DLG2: variants seen among roughly 807,000 people sequenced by gnomAD.
DLG2 encodes disks large homolog 2.
In DLG2, 45 loss-of-function variants were observed where a neutral mutation model predicts 132.5. The observed-to-expected ratio is 0.34, with a 90% confidence interval of 0.27 to 0.44. The LOEUF is 0.44. Among genes scored for constraint, DLG2 ranks in the 20% least tolerant of loss-of-function variants. The pLI is 1.00. For missense variants in DLG2, 1,045 were observed against 1,196.9 expected, an observed-to-expected ratio of 0.87 and a Z score of 1.87; for synonymous variants, 424 against 419.6, an observed-to-expected ratio of 1.01 and a Z score of -0.13.
At chr11:84,754,536 T>C (rs576857881) in intron 6 of DLG2, among the ~76,000 whole-genome samples, 2 of 152,254 alleles carry the variant, frequency 1.3e-5, no homozygotes, top group East Asian at 1.9e-4. Flanking sequence ...ATATATTTTA[T>C]AGGGAAGTTA....
chr11:83,600,285 G>T (rs1318164916), intron 19 of DLG2, among the ~76,000 whole-genome samples: 1 of 145,328 alleles, frequency 6.9e-6, no homozygotes, highest in Non-Finnish European at 1.5e-5. Context: ...TTCAATTCCA[G>T]GTCTGTGTGA....
At chr11:83,881,159 T>A (rs1055303372) in intron 15 of DLG2, among the ~76,000 whole-genome samples, 1 of 152,174 alleles carries the variant, frequency 6.6e-6, no homozygotes, top group African/African-American at 2.4e-5. Context: ...AAGAGTGCCA[T>A]GAGATGCTGA....
intron 6 of DLG2, among the ~76,000 whole-genome samples, chr11:85,083,172 G>A (rs1431444521): frequency 6.6e-6 from 1 of 151,970 alleles, no homozygotes; most frequent in Non-Finnish European, 1.5e-5. Flanking sequence ...TTGTTGGGAG[G>A]GAGTAAAACT....
At chr11:83,680,032 G>A (rs1028829618) in intron 18 of DLG2, among the ~76,000 whole-genome samples, 1 of 152,262 alleles carries the variant, frequency 6.6e-6, no homozygotes, top group African/African-American at 2.4e-5. Flanking sequence ...ACATGGTTTT[G>A]TGTGTATGTG....
intron 3 of DLG2, among the ~76,000 whole-genome samples, chr11:85,412,760 C>CACACACACACACACACATATATAT (rs756868795): frequency 8.8e-6 from 1 of 113,276 alleles, no homozygotes; most frequent in Non-Finnish European, 1.8e-5. Flanking sequence ...CACACACACA[C>CACACACACACACACACATATATAT]ATATATATAT....
rs796135381 is a variant in DLG2, at chr11:84,686,639, T to G, written c.358-151908A>C. On this transcript the variant is annotated intron_variant, in intron 6 of 27. Transcript: ENST00000376104. ...TTCAACTGGCCTTGAGGTTTTTTTT[T>G]TTTTTTTTTTTTTATGCTATACACC... is the stretch of plus-strand genomic sequence containing the variant. 9.1e-4 allele frequency among the ~76,000 whole-genome samples: 137 copies of G among 150,280 alleles called. 1 individual carries two copies. The highest frequency in any genetic ancestry group is 3.2e-3 in the African/African-American group (130 of 41,096).
intron 19 of DLG2, among the ~76,000 whole-genome samples, chr11:83,543,023 C>T (rs556709637): frequency 6.6e-6 from 1 of 151,968 alleles, no homozygotes; most frequent in South Asian, 2.1e-4. Flanking sequence ...TTTTTTTGCC[C>T]ATCAAAGAAA....
intron 7 of DLG2, among the ~76,000 whole-genome samples, chr11:84,438,273 C>T (rs2099006947): frequency 6.6e-6 from 1 of 152,082 alleles, no homozygotes; most frequent in African/African-American, 2.4e-5. Context: ...GGCCTGGGAC[C>T]AAGGGCAAAG....
rs150923826 is a variant in DLG2 at position 84,229,070 on chromosome 11, A to G, written c.573+22168T>C. ...TATAGATGCTGGGAATTATAATTAT[A>G]TCCTGGTAAGCACTCAAATAACTGA... On this transcript the variant is annotated intron_variant, in intron 8 of 27. Transcript: ENST00000376104. Among the ~76,000 whole-genome samples, 65 of 152,302 alleles carry G rather than the reference A, an allele frequency of 4.3e-4. 1 individual carries two copies. Among genetic ancestry groups the G allele is most frequent in the African/African-American group, 1.4e-3 (57 of 41,562 alleles).
At chr11:85,508,922 T>C (rs978131105) in intron 3 of DLG2, among the ~76,000 whole-genome samples, 1 of 152,082 alleles carries the variant, frequency 6.6e-6, no homozygotes, top group Admixed American at 6.6e-5. Flanking sequence ...CATATACATA[T>C]ATTGACTATG....
rs187716136 is a variant in DLG2 at position 84,446,793 on chromosome 11, G to A, written c.519+87777C>T. On this transcript the variant is annotated intron_variant, in intron 7 of 27. Transcript: ENST00000376104. ...TTTCCCTTCCTTTGGTGATCCTAAC[G>A]TCAAGTGTCCTGCCCTGAATGTCCA... 1.6e-3 allele frequency among the ~76,000 whole-genome samples: 241 copies of A among 151,872 alleles called. 1 individual carries two copies. The highest frequency in any genetic ancestry group is 5.6e-3 in the African/African-American group (233 of 41,414).
intron 6 of DLG2, among the ~76,000 whole-genome samples, chr11:85,073,692 T>G (rs1014003211): frequency 3.3e-5 from 5 of 151,832 alleles, no homozygotes; most frequent in Admixed American, 2.6e-4. Flanking sequence ...ATATTCTTTC[T>G]AAGGTTTCAA....
chr11:84,032,756 T>C (rs566000283), intron 11 of DLG2, among the ~76,000 whole-genome samples: 1 of 152,320 alleles, frequency 6.6e-6, no homozygotes, highest in South Asian at 2.1e-4. Flanking sequence ...GCTCCAAGCC[T>C]TCAAAGAACA....
At chr11:84,495,111 T>A (rs1240215963) in intron 7 of DLG2, among the ~76,000 whole-genome samples, 1 of 152,098 alleles carries the variant, frequency 6.6e-6, no homozygotes, top group Non-Finnish European at 1.5e-5. Flanking sequence ...TTCTAACATT[T>A]TTCATTTGAA....
At chr11:83,953,817 T>C (rs1450095525) in intron 14 of DLG2, among the ~76,000 whole-genome samples, 3 of 152,208 alleles carry the variant, frequency 2.0e-5, no homozygotes, top group East Asian at 3.8e-4. Flanking sequence ...TCACATTGTG[T>C]TCATGATAGT....
chr11:84,934,459 T>C (rs971105433), intron 6 of DLG2, among the ~76,000 whole-genome samples: 2 of 150,882 alleles, frequency 1.3e-5, no homozygotes, highest in African/African-American at 4.9e-5. Context: ...CAGCTCTTCT[T>C]TGTACATCCT....
At chr11:84,083,047 A>G (rs1439705809) in intron 10 of DLG2, among the ~76,000 whole-genome samples, 2 of 152,332 alleles carry the variant, frequency 1.3e-5, no homozygotes, top group Admixed American at 6.5e-5. Flanking sequence ...TTGGAGGCCA[A>G]GGCGGGTAGA....
intron 16 of DLG2, among the ~76,000 whole-genome samples, chr11:83,837,159 T>C (rs1446202899): frequency 6.6e-6 from 1 of 152,124 alleles, no homozygotes; most frequent in Non-Finnish European, 1.5e-5. Context: ...CTAGTACTGA[T>C]TTCCTCTTTC....
chr11:84,611,024 T>TACACACACACACAC lies in DLG2; in HGVS notation c.358-76307_358-76294dup, dbSNP rs10587472. 1.9e-3 allele frequency among the ~76,000 whole-genome samples: 261 copies of TACACACACACACAC among 138,188 alleles called. 3 individuals carry two copies. Among genetic ancestry groups the TACACACACACACAC allele is most frequent in the African/African-American group, 6.4e-3 (238 of 37,112 alleles). 90.7% of individuals were successfully genotyped at this position (138,188 alleles called of 152,430 possible). A position where few individuals can be genotyped will look rare whatever the true frequency, so the allele number is the denominator to read the frequency against. On this transcript the variant is annotated intron_variant, in intron 6 of 27. Coordinates refer to ENST00000376104, the MANE Select transcript of DLG2 (RefSeq NM_001142699.3). ...GTGTACCACTGTCTGTTAGATGACATACACACACACACACACACACACACA... is the reference window on the plus strand; with the variant it reads ...GTGTACCACTGTCTGTTAGATGACATACACACACACACACACACACACACACACACACACACACA...
Sources: gnomAD v4.1 joint callset for allele counts (sites outside exome capture counted in the v4.1 genomes callset) on GRCh38, gnomAD v4.1.1 for gene constraint, MANE v1.5 for transcripts, NCBI Gene and HGNC (gene_info 2026-07-23, HGNC 2026-07-21) for gene names.